The following DYDC2 variants were observed in gnomAD, a reference collection of about 807,000 sequenced individuals.
The protein encoded by DYDC2 is DPY30 domain containing 2, also known as DPY30 domain-containing protein 2.
Under a neutral mutation model 18.7 loss-of-function variants are expected in DYDC2, and 19 were observed. That is an observed-to-expected ratio of 1.02 (90% CI 0.71 to 1.49). The LOEUF (loss-of-function observed/expected upper bound fraction) is 1.49. Ranked by LOEUF, DYDC2 falls within the 40% of genes most tolerant of loss-of-function variation. The pLI, the probability that DYDC2 is intolerant of heterozygous loss-of-function variation, is 0.00. For synonymous variants in DYDC2, 63 were observed against 67.6 expected, an observed-to-expected ratio of 0.93 and a Z score of 0.34; for missense variants, 179 against 205.1, an observed-to-expected ratio of 0.87 and a Z score of 0.78.
upstream of DYDC2, among the ~76,000 whole-genome samples, chr10:80,355,109 A>G (rs1279338399): frequency 2.0e-5 from 3 of 150,854 alleles, no homozygotes; most frequent in South Asian, 2.1e-4. Context: ...AAAAAAAAAC[A>G]GTAAAATTAA....
chr10:80,364,730 T>C (rs905533063), intron 4 of DYDC2, among the ~76,000 whole-genome samples: 1 of 152,206 alleles, frequency 6.6e-6, no homozygotes, highest in African/African-American at 2.4e-5. Context: ...GTTCTCAGTT[T>C]TAGAAAAGAG....
chr10:80,364,116 A>G (rs992248959), intron 4 of DYDC2, among the ~76,000 whole-genome samples: 2 of 152,246 alleles, frequency 1.3e-5, no homozygotes, highest in Non-Finnish European at 2.9e-5. Flanking sequence ...AATGCAGTCC[A>G]TTACAATTCA....
In DYDC2 at chr10:80,346,706, C is replaced by T. The variant is rs187840335; in HGVS notation, c.-310+1891C>T. On this transcript the variant is annotated intron_variant, in intron 1 of 4. Transcript: ENST00000372197. Reference sequence around the variant, plus strand: ...CAATCTCCTGACTTTGTGATCTGCCCGCCTCAGCCTCCCGAAGTGCTGGGA... The same window carrying T: ...CAATCTCCTGACTTTGTGATCTGCCTGCCTCAGCCTCCCGAAGTGCTGGGA... 3.3e-3 allele frequency among the ~76,000 whole-genome samples: 498 copies of T among 151,484 alleles called. 3 individuals carry two copies. The highest frequency in any genetic ancestry group is 0.01 in the African/African-American group (426 of 41,318).
chr10:80,364,211 CA>C (rs1160771380), intron 4 of DYDC2, among the ~76,000 whole-genome samples: 1 of 152,180 alleles, frequency 6.6e-6, no homozygotes, highest in African/African-American at 2.4e-5. Flanking sequence ...TCAATGTCCT[CA>C]TAAAGAATAG....
intron 4 of DYDC2, among the ~76,000 whole-genome samples, chr10:80,364,784 G>A (rs575819744): frequency 6.6e-6 from 1 of 152,282 alleles, no homozygotes; most frequent in South Asian, 2.1e-4. Flanking sequence ...CCCTATGTTA[G>A]AAGGAAATAA....
At chr10:80,358,341 G>A (rs1329312681) in intron 2 of DYDC2, among the ~76,000 whole-genome samples, 2 of 152,096 alleles carry the variant, frequency 1.3e-5, no homozygotes, top group Non-Finnish European at 1.5e-5. Context: ...TTGTGCCACT[G>A]CACTCCAGCC....
rs779556800 is a variant in DYDC2 at position 80,366,678 on chromosome 10, T to C, written c.271-10T>C. On this transcript the variant is annotated splice_polypyrimidine_tract_variant and intron_variant, in intron 4 of 4. Transcript: ENST00000256039. ...ATAATAAGTTTTCGGCTTTTTTGTTTTCTATTTAGGAACTGACTTCTGAAA... is the reference window on the plus strand; with the variant it reads ...ATAATAAGTTTTCGGCTTTTTTGTTCTCTATTTAGGAACTGACTTCTGAAA... The C allele has an allele frequency of 6.3e-7, 1 of 1,579,692 alleles. No individual in the cohort carries two copies. Among genetic ancestry groups the C allele is most frequent in the African/African-American group, 1.4e-5 (1 of 73,070 alleles).
chr10:80,344,925 T>C (rs1301004007), intron 1 of DYDC2: 1 of 154,540 alleles, frequency 6.5e-6, no homozygotes, highest in African/African-American at 2.4e-5. Context: ...AAGAGCATTT[T>C]CAAAGTCGTG....
At chr10:80,362,759 A>G (rs1843703367) in intron 3 of DYDC2, among the ~76,000 whole-genome samples, 169 bp downstream of exon 3, 1 of 152,152 alleles carries the variant, frequency 6.6e-6, no homozygotes, top group South Asian at 2.1e-4. Context: ...GCTAACTCAG[A>G]GGAGTGGAGC....
upstream of DYDC2, among the ~76,000 whole-genome samples, chr10:80,356,000 A>T (rs541255940): frequency 6.6e-6 from 1 of 151,984 alleles, no homozygotes; most frequent in African/African-American, 2.4e-5. Flanking sequence ...AAAAAAAAAA[A>T]AAAAAGGTGC....
chr10:80,354,127 A>T (rs1020572178), upstream of DYDC2, among the ~76,000 whole-genome samples: 369 of 146,058 alleles, frequency 2.5e-3, 2 homozygotes, highest in South Asian at 3.1e-3. Flanking sequence ...TATATAAAAA[A>T]AAATATATAT....
intron 1 of DYDC2, among the ~76,000 whole-genome samples, chr10:80,345,867 C>T (rs965764121): frequency 2.0e-5 from 3 of 152,056 alleles, no homozygotes; most frequent in Admixed American, 1.3e-4. Flanking sequence ...ATACATCTTA[C>T]GTTTTTTCAA....
rs1340377 is a variant in DYDC2 at position 80,367,195 on chromosome 10, G to A, written c.*244G>A. 8.5e-4 allele frequency: 375 copies of A among 442,446 alleles called. 8 individuals are homozygous for A. In the East Asian group the frequency reaches 0.013, roughly 16 times the overall value. The allele number at this position is 442,446 out of a possible 1,614,324, so 27.4% of individuals were successfully genotyped here. ...GACTTTTTCCTCTTGTTTTATCAAC[G>A]TTTTGGAGACTACACAATGAAAACA... On this transcript the variant is annotated 3_prime_UTR_variant, in exon 5 of 5. Coordinates refer to ENST00000256039, the MANE Select transcript of DYDC2 (RefSeq NM_032372.6).
chr10:80,361,828 C>T (rs956522888), intron 2 of DYDC2, among the ~76,000 whole-genome samples: 2 of 152,180 alleles, frequency 1.3e-5, no homozygotes, highest in Admixed American at 1.3e-4. Flanking sequence ...TACTTTCTGG[C>T]ACAACAAAAT....
Position 80,366,787 on chromosome 10 carries a change from G to C in DYDC2, c.370G>C (p.Gly124Arg). 1 of 1,614,202 alleles carries C rather than the reference G, an allele frequency of 6.2e-7. No homozygotes were observed. The highest frequency in any genetic ancestry group is 8.5e-7 in the Non-Finnish European group (1 of 1,180,034). ...GGCCTTGAAGCAGGAATTCCTGCCA[G>C]GTACTTCCAGTCTGATTCCAGGAAT... The part of the protein sequence containing the change: ...KEALKQEFLP[G>R]TSSLIPGMPQ... Residue 124 changes from glycine to arginine, a missense_variant, in exon 5 of 5, where the codon GGT becomes CGT. By Grantham distance (125) the Gly-to-Arg change is moderately radical. Transcript: ENST00000256039.
chr10:80,356,720 A>G, upstream of DYDC2: 1 of 984,694 alleles, frequency 1.0e-6, no homozygotes, highest in Non-Finnish European at 1.2e-6. Context: ...ACCCCTACAC[A>G]CGCGCCTGCT....
At chr10:80,353,468 A>G (rs1843132922), upstream of DYDC2, among the ~76,000 whole-genome samples, 1 of 150,094 alleles carries the variant, frequency 6.7e-6, no homozygotes, top group Non-Finnish European at 1.5e-5. Flanking sequence ...GGCCGACCAG[A>G]TTGTTTTTAA....
intron 2 of DYDC2, among the ~76,000 whole-genome samples, chr10:80,361,860 T>A (rs775921221): frequency 4.6e-5 from 7 of 152,204 alleles, no homozygotes; most frequent in Admixed American, 1.3e-4. Flanking sequence ...GTTAGGCTTG[T>A]CCTGCCCCAG....
At chr10:80,365,597 A>T (rs978923179) in intron 4 of DYDC2, among the ~76,000 whole-genome samples, 1 of 152,228 alleles carries the variant, frequency 6.6e-6, no homozygotes, top group Admixed American at 6.5e-5. Flanking sequence ...GACCTGTACA[A>T]CTTCCAGGCA....
Sources: allele counts gnomAD v4.1 joint callset (sites outside exome capture counted in the v4.1 genomes callset), GRCh38; gene constraint gnomAD v4.1.1; transcripts MANE v1.5; gene names NCBI Gene and HGNC (gene_info 2026-07-23, HGNC 2026-07-21).